Variants in DMXL2 observed in about 807,000 individuals in gnomAD.
The protein encoded by DMXL2 is Dmx like 2.
Under a neutral mutation model 331.1 loss-of-function variants are expected in DMXL2, and 103 were observed. The ratio of observed to expected loss-of-function variants is 0.31; its 90% CI spans 0.27 to 0.37. The LOEUF (loss-of-function observed/expected upper bound fraction) is 0.37. Among genes scored for constraint, DMXL2 ranks in the 10% least tolerant of loss-of-function variants. The probability of loss-of-function intolerance (pLI) is 1.00; values close to 1 mark genes in which losing one functional copy is unlikely to be tolerated. For missense variants in DMXL2, 3,171 were observed against 3,642.9 expected, an observed-to-expected ratio of 0.87 and a Z score of 3.33; for synonymous variants, 1,281 against 1,252.1, an observed-to-expected ratio of 1.02 and a Z score of -0.49.
chr15:51,553,058 C>A (rs1365656849), intron 6 of DMXL2, among the ~76,000 whole-genome samples: 5 of 152,208 alleles, frequency 3.3e-5, no homozygotes, highest in Non-Finnish European at 7.3e-5. Context: ...ATCTCCTCAG[C>A]AAAGCTTTCT....
chr15:51,530,752 AAAAC>A (rs2047955418), intron 13 of DMXL2, among the ~76,000 whole-genome samples: 1 of 152,148 alleles, frequency 6.6e-6, no homozygotes, highest in South Asian at 2.1e-4. Flanking sequence ...CTCCGTCTCA[AAAAC>A]AAACAAGCAA....
intron 4 of DMXL2, 64 bp downstream of exon 4, chr15:51,565,024 A>C: frequency 6.3e-6 from 6 of 957,270 alleles, no homozygotes; most frequent in Non-Finnish European, 8.8e-6. Context: ...ACTATATCAC[A>C]TTATTATCAT....
At chr15:51,581,602 T>G (rs1049180931) in intron 1 of DMXL2, among the ~76,000 whole-genome samples, 1 of 152,202 alleles carries the variant, frequency 6.6e-6, no homozygotes, top group East Asian at 1.9e-4. Context: ...CTTAACTACA[T>G]TATTTTCAGA....
chr15:51,606,112 C>T (rs1270394348), intron 1 of DMXL2, among the ~76,000 whole-genome samples: 1 of 152,104 alleles, frequency 6.6e-6, no homozygotes, highest in Non-Finnish European at 1.5e-5. Flanking sequence ...AATAAACTAC[C>T]CAACACTTTA....
chr15:51,464,544 C>T (rs762407467), intron 32 of DMXL2, 131 bp downstream of exon 32: 26 of 660,762 alleles, frequency 3.9e-5, no homozygotes, highest in Middle Eastern at 4.2e-4. Context: ...TTTTCTTAAG[C>T]GTATTCTGCT....
chr15:51,560,095 G>A (rs1411351963), intron 6 of DMXL2, among the ~76,000 whole-genome samples: 1 of 152,074 alleles, frequency 6.6e-6, no homozygotes. Flanking sequence ...CTTTCATTTG[G>A]ATTAGGGACT....
At chr15:51,610,822 A>G (rs549353878) in intron 1 of DMXL2, among the ~76,000 whole-genome samples, 15 of 152,264 alleles carry the variant, frequency 9.9e-5, no homozygotes, top group African/African-American at 3.1e-4. Context: ...ATAAACTTAA[A>G]AAGACTAGAA....
intron 18 of DMXL2, among the ~76,000 whole-genome samples, chr15:51,496,860 A>G (rs555314216): frequency 6.6e-6 from 1 of 152,372 alleles, no homozygotes; most frequent in South Asian, 2.1e-4. Context: ...GAATCCATTT[A>G]CTGAGATGTG....
chr15:51,560,504 C>CA (rs66990182), intron 6 of DMXL2, among the ~76,000 whole-genome samples: 490 of 41,548 alleles, frequency 0.012, 26 homozygotes, highest in Middle Eastern at 0.038. Flanking sequence ...TTATTTCTAC[C>CA]AAAAAAAAAA....
chr15:51,501,167 C>CA (rs1443463993), intron 17 of DMXL2, among the ~76,000 whole-genome samples: 1 of 152,112 alleles, frequency 6.6e-6, no homozygotes, highest in African/African-American at 2.4e-5. Flanking sequence ...CCCAAGAGTA[C>CA]ACTCTTCTCA....
At chr15:51,581,078 A>G (rs757217019) in intron 1 of DMXL2, among the ~76,000 whole-genome samples, 2 of 152,162 alleles carry the variant, frequency 1.3e-5, no homozygotes, top group African/African-American at 4.8e-5. Context: ...GGGGTCCCCA[A>G]TTCCTACTAC....
At chr15:51,460,228 T>C (rs559965350) in intron 33 of DMXL2, 8 of 985,754 alleles carry the variant, frequency 8.1e-6, no homozygotes, top group Middle Eastern at 5.2e-4. Context: ...TCAGAAGTTA[T>C]ATTTCTGCTC....
At chr15:51,472,449 A>G (rs1408423399) in intron 28 of DMXL2, among the ~76,000 whole-genome samples, 1 of 152,170 alleles carries the variant, frequency 6.6e-6, no homozygotes, top group Non-Finnish European at 1.5e-5. Context: ...ATGTCATGCA[A>G]CCACCACCTC....
rs1043694099 is a variant in DMXL2 at position 51,493,951 on chromosome 15, G to A, written c.4783+1073C>T. ...TTTTGTTTTCAATTTTTGTTGGTACGTAGTACGTGTATACAAACTTCTGGG... is the reference window on the plus strand; with the variant it reads ...TTTTGTTTTCAATTTTTGTTGGTACATAGTACGTGTATACAAACTTCTGGG... On this transcript the variant is annotated intron_variant, in intron 19 of 43. Transcript: ENST00000560891. Among the ~76,000 whole-genome samples, 19 of 151,860 alleles carry A rather than the reference G, an allele frequency of 1.3e-4. 1 individual carries two copies. Among genetic ancestry groups the A allele is most frequent in the African/African-American group, 3.4e-4 (14 of 41,384 alleles).
intron 1 of DMXL2, among the ~76,000 whole-genome samples, chr15:51,609,949 T>C (rs1021377701): frequency 6.7e-6 from 1 of 149,832 alleles, no homozygotes; most frequent in Non-Finnish European, 1.5e-5. Context: ...AAAAAAAAAC[T>C]ATCTAGGTTT....
intron 30 of DMXL2, 24 bp from the exon 31 acceptor site, chr15:51,465,675 GTCTT>G: frequency 6.7e-7 from 1 of 1,483,162 alleles, no homozygotes; most frequent in Non-Finnish European, 9.2e-7. Context: ...GGCAAAAAGA[GTCTT>G]TAAGTGAAAA....
At chr15:51,453,738 G>T in intron 40 of DMXL2, 97 bp from the exon 41 acceptor site, 2 of 958,010 alleles carry the variant, frequency 2.1e-6, no homozygotes, top group South Asian at 1.5e-5. Flanking sequence ...CTATATGCAT[G>T]AGCTAAAAAT....
At position 51,486,066 on chromosome 15, in the gene DMXL2, G is replaced by T. The variant is rs373151991; in HGVS notation, c.5482+7C>A. The T allele has an allele frequency of 1.9e-6, 3 of 1,569,640 alleles. No homozygotes were observed. The highest frequency in any genetic ancestry group is 1.8e-5 in the Admixed American group (1 of 55,744). On this transcript the variant is annotated splice_region_variant and intron_variant, in intron 23 of 43. Coordinates refer to ENST00000560891, the MANE Select transcript of DMXL2 (RefSeq NM_001378457.1). ...AAGAAAAAAAAGAAATCCACAAAACGTCCTACCTTGATGTTCATCATCCTC... is the reference window on the plus strand; with the variant it reads ...AAGAAAAAAAAGAAATCCACAAAACTTCCTACCTTGATGTTCATCATCCTC...
chr15:51,496,944 T>C (rs1471953077), intron 18 of DMXL2, among the ~76,000 whole-genome samples: 2 of 152,254 alleles, frequency 1.3e-5, no homozygotes, highest in Admixed American at 6.5e-5. Context: ...TATTACCTCA[T>C]GAATGTCCAC....
Sources: allele counts gnomAD v4.1 joint callset (sites outside exome capture counted in the v4.1 genomes callset), GRCh38; gene constraint gnomAD v4.1.1; transcripts MANE v1.5; gene names NCBI Gene and HGNC (gene_info 2026-07-23, HGNC 2026-07-21).